The following IQCM variants were observed in gnomAD, a reference collection of about 807,000 sequenced individuals.
The protein encoded by IQCM is IQ motif containing M.
In IQCM, 45 loss-of-function variants were observed where a neutral mutation model predicts 57.6. The observed-to-expected ratio is 0.78, with a 90% CI of 0.62 to 1.00. The LOEUF is 1.00. Ranked by LOEUF, IQCM falls within the 50% of genes least tolerant of loss-of-function variation. IQCM has a pLI of 0.00. For missense variants in IQCM, 468 were observed against 511.6 expected (o/e 0.91, Z 0.82); for synonymous variants, 148 against 158.9 (o/e 0.93, Z 0.51).
At position 149,444,841 on chromosome 4, in the gene IQCM, G is replaced by T. The variant is rs1165611302; in HGVS notation, c.1229-11284C>A. The stretch of plus-strand genomic sequence containing the variant: ...ATTGTCTTGAGGAAATAGGACAAAA[G>T]TTCATATAACGTAGTTCAGATAATG... On this transcript the variant is annotated intron_variant, in intron 12 of 13. Transcript: ENST00000636793. Among the ~76,000 whole-genome samples the T allele has an allele frequency of 3.3e-5, 5 of 151,860 alleles. No individual in the cohort carries two copies. In the East Asian group the frequency reaches 9.7e-4, roughly 29 times the overall value.
At chr4:149,611,966 T>TTTA (rs3057350) in intron 8 of IQCM, among the ~76,000 whole-genome samples, 65,696 of 151,206 alleles carry the variant, frequency 0.43, 14,599 homozygotes, top group South Asian at 0.58. Context: ...TAACAATAAT[T>TTTA]TTATTATTTA....
intron 5 of IQCM, among the ~76,000 whole-genome samples, chr4:149,715,316 T>C (rs1021982700): frequency 2.2e-4 from 34 of 152,152 alleles, no homozygotes; most frequent in African/African-American, 8.2e-4. Context: ...ATACAGTCAG[T>C]AATGCTGGCT....
intron 2 of IQCM, among the ~76,000 whole-genome samples, chr4:149,794,687 T>C (rs891447416): frequency 1.3e-5 from 2 of 151,984 alleles, no homozygotes; most frequent in African/African-American, 4.8e-5. Context: ...GATTAGAAAA[T>C]AGGAGCTTAA....
At chr4:149,664,951 G>C (rs935119988) in intron 7 of IQCM, among the ~76,000 whole-genome samples, 2 of 152,152 alleles carry the variant, frequency 1.3e-5, no homozygotes, top group Admixed American at 1.3e-4. Context: ...TCCTTACTCT[G>C]CAGGTCTTTT....
chr4:149,418,393 G>C (rs904827420), intron 13 of IQCM, among the ~76,000 whole-genome samples: 2 of 152,080 alleles, frequency 1.3e-5, no homozygotes, highest in African/African-American at 4.8e-5. Flanking sequence ...GAACCAGGAA[G>C]AAGTTGAATC....
chr4:149,635,146 A>C (rs559877877), intron 7 of IQCM, among the ~76,000 whole-genome samples: 37 of 152,344 alleles, frequency 2.4e-4, no homozygotes, highest in Admixed American at 2.0e-3. Flanking sequence ...AACATGAATA[A>C]TACTACTTTT....
At chr4:149,559,155 A>G (rs1489797874) in intron 10 of IQCM, among the ~76,000 whole-genome samples, 1 of 152,024 alleles carries the variant, frequency 6.6e-6, no homozygotes, top group East Asian at 1.9e-4. Flanking sequence ...CATCACCACC[A>G]TGCACTGGAT....
At chr4:149,810,330 C>G (rs1774446730) in intron 2 of IQCM, among the ~76,000 whole-genome samples, 1 of 146,426 alleles carries the variant, frequency 6.8e-6, no homozygotes, top group Non-Finnish European at 1.5e-5. Context: ...CCATTACACT[C>G]CAGCCTGGAT....
intron 13 of IQCM, among the ~76,000 whole-genome samples, chr4:149,400,938 A>G (rs1214119587): frequency 6.6e-6 from 1 of 151,808 alleles, no homozygotes; most frequent in African/African-American, 2.4e-5. Flanking sequence ...GTCATATGCT[A>G]TTGCTGTATA....
At position 149,465,799 on chromosome 4, in the gene IQCM, T is replaced by A. The variant is rs148731155; in HGVS notation, c.1229-32242A>T. 3.3e-5 allele frequency among the ~76,000 whole-genome samples: 5 copies of A among 152,158 alleles called. 1 individual carries two copies. In the East Asian group the frequency reaches 9.7e-4, roughly 29 times the overall value. On this transcript the variant is annotated intron_variant, in intron 12 of 13. Transcript: ENST00000636793. ...GCCACTATGCTTACTGATCTGCCTC[T>A]GTGCTACTGGAATGGAGAAAAAAAA...
intron 2 of IQCM, among the ~76,000 whole-genome samples, chr4:149,804,545 A>G (rs749523541): frequency 2.0e-5 from 3 of 152,048 alleles, no homozygotes; most frequent in African/African-American, 7.2e-5. Flanking sequence ...CAGTTTGTTC[A>G]GCTTTTTTCT....
At chr4:149,624,846 G>A (rs2150080623) in intron 7 of IQCM, among the ~76,000 whole-genome samples, 1 of 152,246 alleles carries the variant, frequency 6.6e-6, no homozygotes, top group South Asian at 2.1e-4. Flanking sequence ...AAGTTCAAAT[G>A]AAAATGTATC....
At chr4:149,724,261 G>T (rs1366877532) in intron 5 of IQCM, among the ~76,000 whole-genome samples, 2 of 151,932 alleles carry the variant, frequency 1.3e-5, no homozygotes, top group South Asian at 2.1e-4. Context: ...CATAAACATT[G>T]TTGATCAAAA....
At position 149,626,620 on chromosome 4, in the gene IQCM, T is replaced by A. The variant is rs367874859; in HGVS notation, c.566-5376A>T. ...TATTTGAACAAGTTTGGTAGATACT[T>A]TGAAGCTAATAGTAGATAAAAATTG... On this transcript the variant is annotated intron_variant, in intron 7 of 13. Transcript: ENST00000636793. 6.1e-4 allele frequency among the ~76,000 whole-genome samples: 92 copies of A among 150,630 alleles called. 2 individuals are homozygous for A. In the East Asian group the frequency reaches 0.015, roughly 25 times the overall value.
chr4:149,628,508 A>G (rs888738625), intron 7 of IQCM, among the ~76,000 whole-genome samples: 1 of 152,174 alleles, frequency 6.6e-6, no homozygotes, highest in Admixed American at 6.6e-5. Flanking sequence ...GAAGAAAAGC[A>G]TCAAAGATGA....
chr4:149,517,431 T>C (rs577447274), intron 12 of IQCM, among the ~76,000 whole-genome samples: 1 of 152,224 alleles, frequency 6.6e-6, no homozygotes, highest in African/African-American at 2.4e-5. Context: ...GGGTTGGGGA[T>C]TGGTGAATTT....
intron 12 of IQCM, among the ~76,000 whole-genome samples, chr4:149,481,346 G>A (rs1740751259): frequency 6.6e-6 from 1 of 151,968 alleles, no homozygotes; most frequent in Non-Finnish European, 1.5e-5. Flanking sequence ...ATGTCTTAGA[G>A]ATTTTCCCCC....
At chr4:149,489,788 C>A (rs761556145) in intron 12 of IQCM, among the ~76,000 whole-genome samples, 2 of 151,088 alleles carry the variant, frequency 1.3e-5, no homozygotes, top group Admixed American at 1.3e-4. Flanking sequence ...TATATATATA[C>A]ACACACACAT....
chr4:149,435,376 A>G (rs1172517682), intron 12 of IQCM, among the ~76,000 whole-genome samples: 2 of 152,088 alleles, frequency 1.3e-5, no homozygotes, highest in Non-Finnish European at 2.9e-5. Context: ...CTGTGGTAAC[A>G]TTGTAGCACA....
Sources: gnomAD v4.1 joint callset for allele counts (sites outside exome capture counted in the v4.1 genomes callset) on GRCh38, gnomAD v4.1.1 for gene constraint, MANE v1.5 for transcripts, NCBI Gene and HGNC (gene_info 2026-07-23, HGNC 2026-07-21) for gene names.